FLRT1: variants seen among roughly 807,000 people sequenced by gnomAD.
FLRT1 encodes the protein leucine-rich repeat transmembrane protein FLRT1.
A neutral mutation model predicts 30.9 loss-of-function variants in FLRT1; 14 were observed. That is an observed-to-expected ratio of 0.45 (90% CI 0.30 to 0.71). The LOEUF is 0.71. FLRT1 is among the 30% of genes least tolerant of loss of function. The probability of loss-of-function intolerance (pLI) is 0.08; values close to 1 mark genes in which losing one functional copy is unlikely to be tolerated. For missense variants in FLRT1, 737 were observed against 949.2 expected (o/e 0.78, Z 2.94); for synonymous variants, 368 against 430.4 (o/e 0.85, Z 1.80).
At chr11:64,041,456 A>G (rs961929894) in intron 1 of FLRT1, among the ~76,000 whole-genome samples, 11 of 149,246 alleles carry the variant, frequency 7.4e-5, no homozygotes, top group Non-Finnish European at 1.3e-4. Context: ...CCAGGGGCTG[A>G]GGAGGAGAGG....
At chr11:64,059,241 C>T (rs899013454) in intron 1 of FLRT1, among the ~76,000 whole-genome samples, 2 of 152,104 alleles carry the variant, frequency 1.3e-5, no homozygotes, top group East Asian at 1.9e-4. Context: ...TCTTGCCGAG[C>T]GGGGAAAGGG....
intron 2 of FLRT1, among the ~76,000 whole-genome samples, chr11:64,115,539 T>C (rs1361695555): frequency 6.6e-6 from 1 of 152,210 alleles, no homozygotes; most frequent in Non-Finnish European, 1.5e-5. Flanking sequence ...GACACCTCAT[T>C]CTTCTGTCTG....
intron 1 of FLRT1, among the ~76,000 whole-genome samples, chr11:64,041,311 G>C (rs987209147): frequency 1.3e-5 from 2 of 148,256 alleles, no homozygotes; most frequent in Admixed American, 6.7e-5. Flanking sequence ...GAAGCAAATT[G>C]CTCTTCTTGA....
intron 1 of FLRT1, among the ~76,000 whole-genome samples, chr11:64,045,518 CCCCTAT>C (rs1277172538): frequency 6.6e-6 from 1 of 152,192 alleles, no homozygotes; most frequent in Admixed American, 6.5e-5. Context: ...GGCTCTACCA[CCCCTAT>C]CCCAGCCTCT....
chr11:64,080,427 T>C (rs1048657531), intron 1 of FLRT1, among the ~76,000 whole-genome samples: 5 of 152,180 alleles, frequency 3.3e-5, no homozygotes, highest in Non-Finnish European at 5.9e-5. Context: ...TTTTTGTGTG[T>C]ATTTACAAGG....
At position 64,090,330 on chromosome 11, in the gene FLRT1, C is replaced by A. The variant is rs965545123; in HGVS notation, c.-1037-12864C>A. ...AATAGTCAGCAGTTATTTATCGTCT[C>A]GTTTCTTAGTGGGTAGGAAAGCCAC... On this transcript the variant is annotated intron_variant, in intron 1 of 2. Coordinates refer to ENST00000682287, the MANE Select transcript of FLRT1 (RefSeq NM_013280.5). This position sits in a 1 kb window ranked among gnomAD's most constrained non-coding sequence, Gnocchi z 4.7. Among the ~76,000 whole-genome samples, 2 of 152,224 alleles carry A rather than the reference C, an allele frequency of 1.3e-5. No homozygotes were observed. The highest frequency in any genetic ancestry group is 4.1e-4 in the South Asian group (2 of 4,830).
Position 64,082,436 on chromosome 11 carries a change from G to C in FLRT1, c.-1037-20758G>C, listed in dbSNP as rs540415379. ...GCGTCCTAAGGTGAGGGGCAGGCAG[G>C]TGAGGGGCTTGAGGGCAGGGCTGAG... is the stretch of plus-strand genomic sequence containing the variant. On this transcript the variant is annotated intron_variant, in intron 1 of 2. Coordinates refer to ENST00000682287, the MANE Select transcript of FLRT1 (RefSeq NM_013280.5). This position sits in a 1 kb window ranked among gnomAD's most constrained non-coding sequence, Gnocchi z 4.5. Among the ~76,000 whole-genome samples, 1 of 152,182 alleles carries C rather than the reference G, an allele frequency of 6.6e-6. No homozygotes were observed. The highest frequency in any genetic ancestry group is 1.9e-4 in the East Asian group (1 of 5,152).
chr11:64,091,710 C>T (rs1485929274), intron 1 of FLRT1, among the ~76,000 whole-genome samples: 1 of 152,190 alleles, frequency 6.6e-6, no homozygotes, highest in East Asian at 1.9e-4. Flanking sequence ...ACGAGGGGCC[C>T]CAACTCCCCA....
intron 1 of FLRT1, among the ~76,000 whole-genome samples, chr11:64,087,797 C>T (rs1472538757): frequency 3.3e-5 from 5 of 152,208 alleles, no homozygotes; most frequent in Non-Finnish European, 7.3e-5. Context: ...GGACGCCTGC[C>T]CAGGGCTGGC....
At chr11:64,041,214 A>T (rs962487929) in intron 1 of FLRT1, among the ~76,000 whole-genome samples, 2 of 148,856 alleles carry the variant, frequency 1.3e-5, no homozygotes, top group Non-Finnish European at 3.0e-5. Context: ...AAAAAAAAAA[A>T]AAAAAAAAAA....
intron 1 of FLRT1, among the ~76,000 whole-genome samples, chr11:64,052,255 G>A (rs955184677): frequency 7.9e-5 from 12 of 152,086 alleles, no homozygotes; most frequent in Non-Finnish European, 1.6e-4. Flanking sequence ...TGTCGGGGTG[G>A]GGGAAAAAAA....
intron 1 of FLRT1, among the ~76,000 whole-genome samples, chr11:64,054,056 G>T (rs1943740924): frequency 6.6e-6 from 1 of 152,200 alleles, no homozygotes; most frequent in Non-Finnish European, 1.5e-5. Flanking sequence ...CCTGGTGGCA[G>T]CAAGCAGCTG....
chr11:64,036,046 C>T lies in FLRT1; in HGVS notation c.-1151C>T, dbSNP rs1943373856. The T allele has an allele frequency of 6.6e-6, 1 of 151,526 alleles. No homozygotes were observed. The highest frequency in any genetic ancestry group is 2.4e-5 in the African/African-American group (1 of 41,320). The allele number at this position is 151,526 out of a possible 1,614,324, so 9.4% of individuals were successfully genotyped here. On this transcript the variant is annotated 5_prime_UTR_variant, in exon 1 of 3. Coordinates refer to ENST00000682287, the MANE Select transcript of FLRT1 (RefSeq NM_013280.5). This position sits in a 1 kb window ranked among gnomAD's most constrained non-coding sequence, Gnocchi z 5.6. ...CGCGCCGGGGGCTCCTCTCCCGGGC[C>T]CCCCTGGGCGCCCTCCGGCTCTGGT...
Position 64,090,443 on chromosome 11 carries a change from C to T in FLRT1, c.-1037-12751C>T, listed in dbSNP as rs1944468968. 6.6e-6 allele frequency among the ~76,000 whole-genome samples: 1 copy of T among 152,166 alleles called. No homozygotes were observed. Among genetic ancestry groups the T allele is most frequent in the Non-Finnish European group, 1.5e-5 (1 of 68,010 alleles). ...ACCTCCAGCCCGGGCAGCAGTGGGT[C>T]GATAATAATTTACGAGGCAGCCCCT... On this transcript the variant is annotated intron_variant, in intron 1 of 2. Transcript: ENST00000682287. This position sits in a 1 kb window ranked among gnomAD's most constrained non-coding sequence, Gnocchi z 4.7.
chr11:64,102,364 AC>A (rs59852408), intron 1 of FLRT1, among the ~76,000 whole-genome samples: 3 of 151,724 alleles, frequency 2.0e-5, no homozygotes, highest in Non-Finnish European at 4.4e-5. Flanking sequence ...TTGAGGACTG[AC>A]CCCCCACCTA....
chr11:64,077,153 T>C lies in FLRT1; in HGVS notation c.-1037-26041T>C, dbSNP rs1184334582. Reference sequence around the variant, plus strand: ...GGCCTGAACCCCTTCTCCCTGATGATGGAGAAACTGTTCTGCAGCTGAGGT... The same window carrying C: ...GGCCTGAACCCCTTCTCCCTGATGACGGAGAAACTGTTCTGCAGCTGAGGT... On this transcript the variant is annotated intron_variant, in intron 1 of 2. Transcript: ENST00000682287. 3.3e-5 allele frequency among the ~76,000 whole-genome samples: 5 copies of C among 152,126 alleles called. No homozygotes were observed. In the South Asian group the frequency reaches 6.2e-4, roughly 19 times the overall value.
At chr11:64,112,573 G>A (rs944901157) in intron 2 of FLRT1, among the ~76,000 whole-genome samples, 3 of 152,164 alleles carry the variant, frequency 2.0e-5, no homozygotes, top group Non-Finnish European at 4.4e-5. Context: ...GTTAGTTGGT[G>A]GTAAATACTA....
At chr11:64,107,703 G>A (rs929559483) in intron 2 of FLRT1, among the ~76,000 whole-genome samples, 1 of 152,242 alleles carries the variant, frequency 6.6e-6, no homozygotes, top group African/African-American at 2.4e-5. Context: ...AAGCTGTTCA[G>A]GGTGATGGGT....
chr11:64,093,352 C>G (rs1464575396), intron 1 of FLRT1, among the ~76,000 whole-genome samples: 2 of 152,222 alleles, frequency 1.3e-5, no homozygotes, highest in African/African-American at 4.8e-5. Flanking sequence ...CGTAAGAGCT[C>G]ACGGCCCATT....
Sources: allele counts gnomAD v4.1 joint callset (sites outside exome capture counted in the v4.1 genomes callset), GRCh38; gene constraint gnomAD v4.1.1; non-coding constraint Gnocchi (gnomAD v3.1); transcripts MANE v1.5; gene names NCBI Gene and HGNC (gene_info 2026-07-23, HGNC 2026-07-21).